The following CPPED1 variants were observed in gnomAD, a reference collection of about 807,000 sequenced individuals.
The protein encoded by CPPED1 is calcineurin like phosphoesterase domain containing 1.
A neutral mutation model predicts 28.0 loss-of-function variants in CPPED1; 28 were observed. The ratio of observed to expected loss-of-function variants is 1.00; its 90% CI spans 0.74 to 1.37. The LOEUF (loss-of-function observed/expected upper bound fraction) is 1.37, where lower values mean the gene tolerates loss of function less well. CPPED1 is among the 40% of genes most tolerant of loss of function. CPPED1 has a pLI of 0.00. For missense variants in CPPED1, 504 were observed against 416.5 expected (o/e 1.21, Z -1.83); for synonymous variants, 198 against 180.2 (o/e 1.10, Z -0.79).
At chr16:12,795,350 T>C (rs920787658) in intron 1 of CPPED1, among the ~76,000 whole-genome samples, 111 of 139,362 alleles carry the variant, frequency 8.0e-4, no homozygotes, top group African/African-American at 3.2e-3. Flanking sequence ...GTCATGCAAC[T>C]TTTTTTTTTT....
rs2079785387 is a variant in CPPED1, at chr16:12,660,073, T to C, written c.*4813A>G. 1 of 152,168 alleles carries C rather than the reference T, an allele frequency of 6.6e-6. No individual in the cohort carries two copies. Among genetic ancestry groups the C allele is most frequent in the Non-Finnish European group, 1.5e-5 (1 of 68,048 alleles). 9.4% of individuals were successfully genotyped at this position (152,168 alleles called of 1,614,324 possible). A position where few individuals can be genotyped will look rare whatever the true frequency, so the allele number is the denominator to read the frequency against. ...GGATTATGGGGATTACAATTCGAGA[T>C]GAGATTTCAGTGGGGACACAGAGCC... On this transcript the variant is annotated 3_prime_UTR_variant, in exon 4 of 4. Coordinates refer to ENST00000381774, the MANE Select transcript of CPPED1 (RefSeq NM_018340.3).
rs574776546 is a variant in CPPED1 at position 12,717,476 on chromosome 16, G to A, written c.290-12427C>T. Among the ~76,000 whole-genome samples the A allele has an allele frequency of 2.0e-5, 3 of 152,300 alleles. No individual in the cohort carries two copies. In the East Asian group the frequency reaches 5.8e-4, roughly 29 times the overall value. On this transcript the variant is annotated intron_variant, in intron 2 of 3. Transcript: ENST00000381774. The stretch of plus-strand genomic sequence containing the variant: ...AGACAGGGTTTCACCGTGTTAGCCA[G>A]GATGGTCTCAATCTCCTGACCTCGT...
intron 2 of CPPED1, among the ~76,000 whole-genome samples, chr16:12,718,231 C>T (rs960946520): frequency 1.3e-5 from 2 of 152,212 alleles, no homozygotes; most frequent in Non-Finnish European, 2.9e-5. Context: ...ATCTATCACA[C>T]TGGCAACAAT....
chr16:12,671,214 A>G (rs1442521660), intron 3 of CPPED1, among the ~76,000 whole-genome samples: 1 of 152,152 alleles, frequency 6.6e-6, no homozygotes, highest in African/African-American at 2.4e-5. Context: ...ATTATATCAG[A>G]ATAATACATT....
At chr16:12,693,194 G>A (rs1253372063) in intron 3 of CPPED1, among the ~76,000 whole-genome samples, 5 of 152,224 alleles carry the variant, frequency 3.3e-5, no homozygotes, top group African/African-American at 1.2e-4. Flanking sequence ...GCACCCAGGA[G>A]GCTTCACCTA....
intron 3 of CPPED1, among the ~76,000 whole-genome samples, chr16:12,686,195 C>G (rs1001400238): frequency 6.6e-6 from 1 of 151,898 alleles, no homozygotes; most frequent in African/African-American, 2.4e-5. Context: ...GCCAGTAATC[C>G]ATTTGTTTTG....
rs1245732120 is a variant in CPPED1 at position 12,729,399 on chromosome 16, T to C, written c.290-24350A>G. 3.9e-5 allele frequency among the ~76,000 whole-genome samples: 6 copies of C among 152,336 alleles called. No individual in the cohort carries two copies. In the East Asian group the frequency reaches 1.2e-3, roughly 29 times the overall value. ...CAGCTTAAATGTCCATATAATTGTA[T>C]ACAAAGATTTTTGCAAACTCAAGAA... On this transcript the variant is annotated intron_variant, in intron 2 of 3. Transcript: ENST00000381774.
At chr16:12,739,596 T>C (rs955083438) in intron 2 of CPPED1, among the ~76,000 whole-genome samples, 8 of 152,086 alleles carry the variant, frequency 5.3e-5, no homozygotes, top group African/African-American at 1.7e-4. Context: ...AAAAAAGTGC[T>C]TGTTCGAGTA....
chr16:12,797,275 G>C (rs1259612993), intron 1 of CPPED1, among the ~76,000 whole-genome samples: 2 of 152,294 alleles, frequency 1.3e-5, no homozygotes, highest in East Asian at 3.9e-4. Context: ...TTTAGGCCAG[G>C]TGCGGTGGCT....
intron 3 of CPPED1, among the ~76,000 whole-genome samples, chr16:12,696,147 A>C (rs769153967): frequency 6.6e-6 from 1 of 152,104 alleles, no homozygotes; most frequent in Non-Finnish European, 1.5e-5. Flanking sequence ...TTTACTTCCT[A>C]TAGTTTGCAT....
intron 2 of CPPED1, among the ~76,000 whole-genome samples, chr16:12,719,922 G>A (rs572179806): frequency 6.6e-6 from 1 of 151,342 alleles, no homozygotes; most frequent in African/African-American, 2.4e-5. Flanking sequence ...GGCGACAAGA[G>A]CAAAACTCCA....
At chr16:12,796,691 G>C (rs1434489140) in intron 1 of CPPED1, among the ~76,000 whole-genome samples, 1 of 152,142 alleles carries the variant, frequency 6.6e-6, no homozygotes, top group Non-Finnish European at 1.5e-5. Flanking sequence ...ATTAAACATA[G>C]TTACCGTATG....
chr16:12,691,909 C>T (rs1412146154), intron 3 of CPPED1, among the ~76,000 whole-genome samples: 2 of 150,864 alleles, frequency 1.3e-5, no homozygotes, highest in Non-Finnish European at 2.9e-5. Context: ...CACATGTATA[C>T]GTATGTAACA....
chr16:12,743,722 G>A (rs543862022), intron 2 of CPPED1, among the ~76,000 whole-genome samples: 19 of 152,142 alleles, frequency 1.2e-4, no homozygotes, highest in Non-Finnish European at 2.5e-4. Context: ...AAAGACACTC[G>A]GCTGAGCACG....
At chr16:12,786,472 G>C (rs765805583) in intron 1 of CPPED1, among the ~76,000 whole-genome samples, 1 of 152,104 alleles carries the variant, frequency 6.6e-6, no homozygotes, top group Non-Finnish European at 1.5e-5. Flanking sequence ...TTTTGGTTTG[G>C]TTTTGCATAC....
At chr16:12,736,329 T>A (rs1046851013) in intron 2 of CPPED1, among the ~76,000 whole-genome samples, 1 of 150,844 alleles carries the variant, frequency 6.6e-6, no homozygotes, top group African/African-American at 2.4e-5. Context: ...CACTGCAACC[T>A]CCACCTCCCA....
intron 1 of CPPED1, among the ~76,000 whole-genome samples, chr16:12,799,047 C>G (rs534436301): frequency 6.6e-6 from 1 of 152,042 alleles, no homozygotes; most frequent in Non-Finnish European, 1.5e-5. Context: ...CGTAAATCAC[C>G]GGTGGGAGGA....
chr16:12,787,745 CAT>C (rs2080573041), intron 1 of CPPED1, among the ~76,000 whole-genome samples: 1 of 152,120 alleles, frequency 6.6e-6, no homozygotes, highest in South Asian at 2.1e-4. Flanking sequence ...TTGACAGATT[CAT>C]AGAGAAGTTA....
At chr16:12,684,006 G>A (rs1422424163) in intron 3 of CPPED1, among the ~76,000 whole-genome samples, 1 of 152,146 alleles carries the variant, frequency 6.6e-6, no homozygotes, top group Non-Finnish European at 1.5e-5. Flanking sequence ...CAAGTTCCAA[G>A]GCGGAAGAAG....
Sources: gnomAD v4.1 joint callset for allele counts (sites outside exome capture counted in the v4.1 genomes callset) on GRCh38, gnomAD v4.1.1 for gene constraint, MANE v1.5 for transcripts, NCBI Gene and HGNC (gene_info 2026-07-23, HGNC 2026-07-21) for gene names.